Variants in SEMA3A observed in about 807,000 individuals in gnomAD.
SEMA3A encodes semaphorin 3A.
Under a neutral mutation model 97.9 loss-of-function variants are expected in SEMA3A, and 29 were observed. That is an observed-to-expected ratio of 0.30 (90% CI 0.22 to 0.40). The LOEUF is 0.40. SEMA3A is among the 10% of genes least tolerant of loss of function. The pLI is 1.00. For missense variants in SEMA3A, 763 were observed against 951.3 expected (o/e 0.80, Z 2.60); for synonymous variants, 321 against 323.7 (o/e 0.99, Z 0.09).
chr7:84,467,508 C>T (rs1806032359), intron 1 of SEMA3A, among the ~76,000 whole-genome samples: 1 of 119,540 alleles, frequency 8.4e-6, no homozygotes, highest in African/African-American at 3.3e-5. Flanking sequence ...GCCTGGGTGA[C>T]AGAGCGAGAC....
chr7:84,095,729 T>C (rs1166419040), intron 4 of SEMA3A, among the ~76,000 whole-genome samples: 2 of 151,820 alleles, frequency 1.3e-5, no homozygotes, highest in African/African-American at 2.4e-5. Context: ...TTTTGCATGA[T>C]TCCTGTGTTC....
At chr7:84,240,003 G>A (rs1799322008) in intron 3 of SEMA3A, among the ~76,000 whole-genome samples, 1 of 152,052 alleles carries the variant, frequency 6.6e-6, no homozygotes, top group Admixed American at 6.6e-5. Flanking sequence ...TAACTATAAT[G>A]CCACAGTATC....
At chr7:83,994,949 T>C (rs1790145002) in intron 12 of SEMA3A, among the ~76,000 whole-genome samples, 1 of 152,024 alleles carries the variant, frequency 6.6e-6, no homozygotes, top group South Asian at 2.1e-4. Context: ...CTCAGACTGC[T>C]GTGCTAGCAA....
chr7:84,178,878 G>A (rs1797652246), intron 1 of SEMA3A, among the ~76,000 whole-genome samples: 1 of 152,104 alleles, frequency 6.6e-6, no homozygotes, highest in African/African-American at 2.4e-5. Flanking sequence ...TTAATCAGAT[G>A]CTGGTGACAC....
chr7:84,244,581 GTTTACA>G (rs1469638930), intron 3 of SEMA3A, among the ~76,000 whole-genome samples: 2 of 151,980 alleles, frequency 1.3e-5, no homozygotes, highest in Non-Finnish European at 2.9e-5. Context: ...CATTTAGCAC[GTTTACA>G]TTTAAAGTTA....
At chr7:84,261,466 G>A (rs1462492700) in intron 3 of SEMA3A, among the ~76,000 whole-genome samples, 1 of 152,212 alleles carries the variant, frequency 6.6e-6, no homozygotes, top group African/African-American at 2.4e-5. Flanking sequence ...CCTGAGCCAG[G>A]GCTGTAATAC....
At position 84,108,458 on chromosome 7, in the gene SEMA3A, A is replaced by C. The variant is rs114194272; in HGVS notation, c.453+2012T>G. On this transcript the variant is annotated intron_variant, in intron 4 of 16. Coordinates refer to ENST00000265362, the MANE Select transcript of SEMA3A (RefSeq NM_006080.3). Reference sequence around the variant, plus strand: ...AAAATATACAGACACTAAGACTCAAAAGATTGTTTTTAGTTTGTGTTGCAT... The same window carrying C: ...AAAATATACAGACACTAAGACTCAACAGATTGTTTTTAGTTTGTGTTGCAT... Among the ~76,000 whole-genome samples the C allele has an allele frequency of 8.4e-3, 1,278 of 152,290 alleles. 26 individuals are homozygous for C. Among genetic ancestry groups the C allele is most frequent in the African/African-American group, 0.029 (1,217 of 41,564 alleles).
chr7:84,398,789 C>T (rs865976426), intron 1 of SEMA3A, among the ~76,000 whole-genome samples: 1 of 151,882 alleles, frequency 6.6e-6, no homozygotes, highest in Non-Finnish European at 1.5e-5. Flanking sequence ...GCCTGGGCAA[C>T]AGAGTGAGAC....
At chr7:84,071,081 G>A (rs1793722631) in intron 4 of SEMA3A, among the ~76,000 whole-genome samples, 3 of 152,034 alleles carry the variant, frequency 2.0e-5, no homozygotes, top group Admixed American at 6.6e-5. Flanking sequence ...CTTAAAAGGC[G>A]ACTTTAGATA....
At chr7:84,195,024 AAGAGAGAG>A (rs60880561), upstream of SEMA3A, 164 of 140,652 alleles carry the variant, frequency 1.2e-3, 2 homozygotes, top group South Asian at 0.022. Flanking sequence ...GAGAGAGAGA[AAGAGAGAG>A]AGAGAGAGAG....
intron 4 of SEMA3A, among the ~76,000 whole-genome samples, chr7:84,076,278 T>C (rs550228804): frequency 6.6e-6 from 1 of 152,180 alleles, no homozygotes; most frequent in Non-Finnish European, 1.5e-5. Context: ...GTATTTACTT[T>C]TTTATCCTCA....
chr7:84,176,935 T>C (rs1797586513), intron 1 of SEMA3A, among the ~76,000 whole-genome samples: 1 of 152,096 alleles, frequency 6.6e-6, no homozygotes, highest in Non-Finnish European at 1.5e-5. Context: ...CATAACAATA[T>C]CTAGCCCCGA....
At chr7:84,446,738 G>A (rs1805423153) in intron 1 of SEMA3A, among the ~76,000 whole-genome samples, 1 of 152,180 alleles carries the variant, frequency 6.6e-6, no homozygotes, top group African/African-American at 2.4e-5. Flanking sequence ...CCTAATATCA[G>A]AATAAGGCTA....
chr7:84,050,147 T>C (rs1290290004), intron 5 of SEMA3A, among the ~76,000 whole-genome samples: 17 of 152,006 alleles, frequency 1.1e-4, no homozygotes, highest in Middle Eastern at 3.4e-3. Flanking sequence ...CAAGTCTTTG[T>C]TATTGTGAAT....
At chr7:84,305,867 G>C (rs1378126550) in intron 3 of SEMA3A, among the ~76,000 whole-genome samples, 13 of 151,676 alleles carry the variant, frequency 8.6e-5, no homozygotes, top group Admixed American at 8.6e-4. Context: ...TATTGTGGAA[G>C]TCTGAAAATT....
In SEMA3A at chr7:84,102,376, T is replaced by C. The variant is rs530611894; in HGVS notation, c.453+8094A>G. Among the ~76,000 whole-genome samples, 4 of 152,278 alleles carry C rather than the reference T, an allele frequency of 2.6e-5. No individual in the cohort carries two copies. The South Asian group carries it at 8.3e-4, about 32-fold the overall frequency. On this transcript the variant is annotated intron_variant, in intron 4 of 16. Transcript: ENST00000265362. Reference sequence around the variant, plus strand: ...TAGTCATTTTTTAAACCACAAGCTATCTGGCTTTGGCTGTGGAAGACAATG... The same window carrying C: ...TAGTCATTTTTTAAACCACAAGCTACCTGGCTTTGGCTGTGGAAGACAATG...
chr7:84,227,232 AACAGC>A (rs1799011224), intron 3 of SEMA3A, among the ~76,000 whole-genome samples: 1 of 151,870 alleles, frequency 6.6e-6, no homozygotes, highest in African/African-American at 2.4e-5. Context: ...TTCAACAGCC[AACAGC>A]ACAGGAGAAA....
intron 1 of SEMA3A, among the ~76,000 whole-genome samples, chr7:84,146,265 T>A (rs971633102): frequency 6.6e-6 from 1 of 152,152 alleles, no homozygotes; most frequent in African/African-American, 2.4e-5. Flanking sequence ...AACTAGATAA[T>A]CAATCATTAA....
At chr7:84,196,202 G>A (rs1185569446), upstream of SEMA3A, among the ~76,000 whole-genome samples, 3 of 151,384 alleles carry the variant, frequency 2.0e-5, no homozygotes, top group Non-Finnish European at 4.4e-5. Flanking sequence ...CTTGGCTGAA[G>A]GGAGAGAGTG....
Sources: gnomAD v4.1 joint callset for allele counts (sites outside exome capture counted in the v4.1 genomes callset) on GRCh38, gnomAD v4.1.1 for gene constraint, MANE v1.5 for transcripts, NCBI Gene and HGNC (gene_info 2026-07-23, HGNC 2026-07-21) for gene names.